FAT4: variants seen among roughly 807,000 people sequenced by gnomAD.
FAT4 encodes the protein protocadherin Fat 4.
Under a neutral mutation model 303.9 loss-of-function variants are expected in FAT4, and 84 were observed. The ratio of observed to expected loss-of-function variants is 0.28; its 90% confidence interval spans 0.23 to 0.33. FAT4 has a LOEUF of 0.33. Among genes scored for constraint, FAT4 ranks in the 10% least tolerant of loss-of-function variants. The probability of loss-of-function intolerance (pLI) is 1.00; values close to 1 mark genes in which losing one functional copy is unlikely to be tolerated. For synonymous variants in FAT4, 2,307 were observed against 2,298.8 expected (o/e 1.00, Z -0.10); for missense variants, 6,005 against 6,146.8 (o/e 0.98, Z 0.77).
intron 2 of FAT4, among the ~76,000 whole-genome samples, chr4:125,324,296 T>C (rs769636154): frequency 4.6e-5 from 7 of 152,052 alleles, no homozygotes; most frequent in Non-Finnish European, 7.4e-5. Flanking sequence ...GTGTATTACA[T>C]AGGAACATGC....
chr4:125,473,542 T>C (rs573227335), intron 12 of FAT4, among the ~76,000 whole-genome samples: 1 of 152,164 alleles, frequency 6.6e-6, no homozygotes, highest in East Asian at 1.9e-4. Context: ...ATTTAGAGAT[T>C]GATATATATA....
intron 8 of FAT4, among the ~76,000 whole-genome samples, chr4:125,441,419 A>G (rs75714276): frequency 0.084 from 12,775 of 152,214 alleles, 848 homozygotes; most frequent in East Asian, 0.23. Context: ...GAAAGAAAGT[A>G]TTTCCATATG....
intron 2 of FAT4, among the ~76,000 whole-genome samples, chr4:125,387,154 C>G (rs1733786013): frequency 6.6e-6 from 1 of 152,174 alleles, no homozygotes; most frequent in African/African-American, 2.4e-5. Context: ...CAAACCAGTA[C>G]CGGTCTGTGC....
intron 4 of FAT4, among the ~76,000 whole-genome samples, chr4:125,408,183 C>A (rs1330729019): frequency 2.6e-5 from 4 of 152,108 alleles, no homozygotes; most frequent in African/African-American, 7.2e-5. Flanking sequence ...GGAAACATAA[C>A]ATCAGATATA....
chr4:125,463,024 T>C (rs971335692), intron 10 of FAT4, among the ~76,000 whole-genome samples: 2 of 152,084 alleles, frequency 1.3e-5, no homozygotes, highest in African/African-American at 4.8e-5. Context: ...CAAGAATAAA[T>C]TTTCATAAGC....
In FAT4 at chr4:125,468,834, T is replaced by C; in HGVS notation, c.12213+15T>C. On this transcript the variant is annotated intron_variant, in intron 12 of 17. Coordinates refer to ENST00000394329, the MANE Select transcript of FAT4 (RefSeq NM_001291303.3). ...GAGCAGGAATGGTAAGATATTTCAT[T>C]TTATTGTTGTTGTATATCCAACTGG... is the stretch of plus-strand genomic sequence containing the variant. 1 of 1,598,168 alleles carries C rather than the reference T, an allele frequency of 6.3e-7. No homozygotes were observed. Among genetic ancestry groups the C allele is most frequent in the South Asian group, 1.1e-5 (1 of 89,468 alleles).
chr4:125,358,969 T>C, intron 2 of FAT4, among the ~76,000 whole-genome samples: 2 of 152,188 alleles, frequency 1.3e-5, no homozygotes, highest in East Asian at 3.8e-4. Flanking sequence ...CAAAACATGA[T>C]TACCTTATCA....
At position 125,446,333 on chromosome 4, in the gene FAT4, C is replaced by T. The variant is rs369092138; in HGVS notation, c.7240C>T (p.Pro2414Ser). ...TGGAAACTCTCAGTTCACGATCAAC[C>T]CATCGACAGGACAAATCATCACCAG... Reference protein sequence around the residue: ...IGGNSQFTINPSTGQIITSAL... With the variant: ...IGGNSQFTINSSTGQIITSAL... Residue 2414 changes from proline to serine, a missense_variant, in exon 9 of 18, where the codon CCA becomes TCA. By Grantham distance (74) the Pro-to-Ser change is moderately conservative. Transcript: ENST00000394329. 5.6e-6 allele frequency: 9 copies of T among 1,613,008 alleles called. No individual in the cohort carries two copies. Among genetic ancestry groups the T allele is most frequent in the Non-Finnish European group, 7.6e-6 (9 of 1,179,276 alleles).
At chr4:125,416,012 T>C (rs143394983) in intron 6 of FAT4, among the ~76,000 whole-genome samples, 1 of 152,178 alleles carries the variant, frequency 6.6e-6, no homozygotes, top group Non-Finnish European at 1.5e-5. Flanking sequence ...TGATGAAACT[T>C]TTGTATTTTA....
chr4:125,399,398 C>T (rs1356194653), intron 3 of FAT4, among the ~76,000 whole-genome samples: 1 of 151,812 alleles, frequency 6.6e-6, no homozygotes, highest in African/African-American at 2.4e-5. Flanking sequence ...GAAACAAATA[C>T]TTTGTGATTT....
chr4:125,479,321 T>C (rs1048827153), intron 14 of FAT4, among the ~76,000 whole-genome samples: 2 of 152,196 alleles, frequency 1.3e-5, no homozygotes, highest in Non-Finnish European at 2.9e-5. Context: ...TTCATTACTT[T>C]ACTTCCATGC....
chr4:125,362,903 C>T (rs969533730), intron 2 of FAT4: 32 of 152,026 alleles, frequency 2.1e-4, no homozygotes, highest in African/African-American at 7.7e-4. Flanking sequence ...TCCCCACCCC[C>T]CGACTACTGC....
intron 8 of FAT4, among the ~76,000 whole-genome samples, chr4:125,444,675 T>TA (rs398107956): frequency 7.2e-5 from 11 of 151,732 alleles, no homozygotes; most frequent in Admixed American, 6.6e-4. Context: ...TTATGTTTTT[T>TA]ATCAATCTCA....
chr4:125,451,824 C>T lies in FAT4; in HGVS notation c.10814C>T (p.Thr3605Ile), dbSNP rs1726088538. The T allele has an allele frequency of 6.2e-7, 1 of 1,614,142 alleles. No individual in the cohort carries two copies. The highest frequency in any genetic ancestry group is 8.5e-7 in the Non-Finnish European group (1 of 1,180,026). ...TCTTCCACAGGAACTGTGCATATCA[C>T]AGTTATAGACCAAAATGACAATCCT... ...QMSSTGTVHI[T>I]VIDQNDNPSQ... The change falls in exon 10 of 18, where the codon ACA (threonine) becomes ATA (isoleucine). Residue 3605 changes from threonine to isoleucine, a missense_variant. Coordinates refer to ENST00000394329, the MANE Select transcript of FAT4 (RefSeq NM_001291303.3).
chr4:125,385,996 A>T (rs960324377), intron 2 of FAT4, among the ~76,000 whole-genome samples: 7 of 151,884 alleles, frequency 4.6e-5, no homozygotes, highest in African/African-American at 1.5e-4. Flanking sequence ...ATATTGAAAA[A>T]TTTTTCCTTC....
intron 2 of FAT4, among the ~76,000 whole-genome samples, chr4:125,340,560 G>A (rs375289781): frequency 4.6e-5 from 7 of 152,076 alleles, no homozygotes; most frequent in Non-Finnish European, 8.8e-5. Context: ...CTAATTTTTT[G>A]TGTTTTTAGT....
chr4:125,333,081 ATCTC>A (rs1013915107), intron 2 of FAT4, among the ~76,000 whole-genome samples: 1 of 152,104 alleles, frequency 6.6e-6, no homozygotes, highest in African/African-American at 2.4e-5. Context: ...ATTTAAATGA[ATCTC>A]TAAGTAGTAA....
intron 3 of FAT4, among the ~76,000 whole-genome samples, chr4:125,400,985 A>T (rs1734367199): frequency 2.0e-5 from 3 of 152,028 alleles, no homozygotes; most frequent in Non-Finnish European, 1.5e-5. Context: ...AAATCACCAC[A>T]TTCTTATAAC....
Position 125,416,533 on chromosome 4 carries a change from T to A in FAT4, c.6929T>A (p.Leu2310His), listed in dbSNP as rs773180121. Residue 2310 changes from leucine to histidine, a missense_variant, in exon 7 of 18, where the codon CTC becomes CAC. By Grantham distance (99) the Leu-to-His change is moderately conservative. Coordinates refer to ENST00000394329, the MANE Select transcript of FAT4 (RefSeq NM_001291303.3). Reference sequence around the variant, plus strand: ...GGTAATGAAGACAATGCTTTTACTCTCTCAGCCAGTGGAGAACTTGGAGTA... The same window carrying A: ...GGTAATGAAGACAATGCTTTTACTCACTCAGCCAGTGGAGAACTTGGAGTA... ...FGGNEDNAFT[L>H]SASGELGVTQ... The A allele has an allele frequency of 6.2e-7, 1 of 1,614,046 alleles. No homozygotes were observed. The highest frequency in any genetic ancestry group is 8.5e-7 in the Non-Finnish European group (1 of 1,179,936).
Sources: allele counts gnomAD v4.1 joint callset (sites outside exome capture counted in the v4.1 genomes callset), GRCh38; gene constraint gnomAD v4.1.1; transcripts MANE v1.5; gene names NCBI Gene and HGNC (gene_info 2026-07-23, HGNC 2026-07-21).